WWOX: variants seen among roughly 807,000 people sequenced by gnomAD.
WWOX encodes WW domain-containing oxidoreductase.
In WWOX, 69 loss-of-function variants were observed where a neutral mutation model predicts 46.2. The observed-to-expected ratio is 1.49, with a 90% CI of 1.23 to 1.82. The LOEUF (loss-of-function observed/expected upper bound fraction) is 1.82. Among genes scored for constraint, WWOX ranks in the 40% most tolerant of loss-of-function variants. The pLI is 0.00. For missense variants in WWOX, 919 were observed against 542.6 expected (o/e 1.69, Z -6.89); for synonymous variants, 359 against 202.6 (o/e 1.77, Z -6.56).
At chr16:78,887,954 A>G (rs1323389298) in intron 8 of WWOX, among the ~76,000 whole-genome samples, 1 of 152,206 alleles carries the variant, frequency 6.6e-6, no homozygotes, top group East Asian at 1.9e-4. Context: ...GCTCACTCTG[A>G]CAAACAATTT....
At chr16:78,507,270 G>A (rs545533648) in intron 8 of WWOX, among the ~76,000 whole-genome samples, 2 of 152,228 alleles carry the variant, frequency 1.3e-5, no homozygotes, top group Admixed American at 6.5e-5. Flanking sequence ...TTTTTCCCCA[G>A]CCAAGAACCA....
intron 8 of WWOX, among the ~76,000 whole-genome samples, chr16:78,902,565 A>G (rs1246917472): frequency 6.6e-6 from 1 of 152,184 alleles, no homozygotes; most frequent in Non-Finnish European, 1.5e-5. Context: ...TAGGCCAAAG[A>G]TATGCCCGAG....
chr16:78,302,514 C>A (rs1486901145), intron 5 of WWOX, among the ~76,000 whole-genome samples: 1 of 152,052 alleles, frequency 6.6e-6, no homozygotes, highest in Admixed American at 6.5e-5. Context: ...CATGTTTTGT[C>A]TTATCCACAC....
intron 4 of WWOX, chr16:78,123,428 G>GT (rs1330107026): frequency 1.3e-4 from 8 of 61,050 alleles, no homozygotes; most frequent in East Asian, 1.0e-3. Context: ...TTTTTTCTTT[G>GT]TTTTTTGTTT....
intron 5 of WWOX, among the ~76,000 whole-genome samples, chr16:78,219,369 A>T (rs2036818981): frequency 6.6e-6 from 1 of 152,206 alleles, no homozygotes; most frequent in Non-Finnish European, 1.5e-5. Context: ...GTAGGTTATG[A>T]GTTTTTTATT....
At chr16:78,585,398 T>G (rs1378782806) in intron 8 of WWOX, among the ~76,000 whole-genome samples, 1 of 152,148 alleles carries the variant, frequency 6.6e-6, no homozygotes, top group Non-Finnish European at 1.5e-5. Flanking sequence ...GATCGGCCAC[T>G]TACTTGTGGG....
intron 5 of WWOX, among the ~76,000 whole-genome samples, chr16:78,286,375 G>T (rs1379778031): frequency 1.3e-5 from 2 of 152,224 alleles, no homozygotes; most frequent in Non-Finnish European, 1.5e-5. Flanking sequence ...TGAGGTGGGG[G>T]TTGTCCCCCC....
At chr16:78,876,686 A>T (rs1258107388) in intron 8 of WWOX, among the ~76,000 whole-genome samples, 1 of 152,174 alleles carries the variant, frequency 6.6e-6, no homozygotes, top group Non-Finnish European at 1.5e-5. Flanking sequence ...CATTCTCAGA[A>T]CAGCCCAGTT....
At position 78,164,211 on chromosome 16, in the gene WWOX, C is replaced by A. The variant is rs777386106; in HGVS notation, c.438C>A (p.Leu146=). The change falls in exon 5 of 9, where the codon CTC becomes CTA. Residue 146 remains leucine (L), a synonymous_variant. Transcript: ENST00000566780. ...TCGAAACCGCCAAGTCTTTTGCCCT[C>A]CATGGTGCACATGTGATCTTGGCCT... is the stretch of plus-strand genomic sequence containing the variant. ...IGFETAKSFA[L]HGAHVILACR... is the part of the protein sequence containing the mutation. The A allele has an allele frequency of 6.2e-7, 1 of 1,614,092 alleles. No homozygotes were observed. Among genetic ancestry groups the A allele is most frequent in the Admixed American group, 1.7e-5 (1 of 60,006 alleles).
chr16:78,773,298 C>T (rs1258521432), intron 8 of WWOX, among the ~76,000 whole-genome samples: 1 of 152,174 alleles, frequency 6.6e-6, no homozygotes, highest in Non-Finnish European at 1.5e-5. Context: ...CTGGCTCTGG[C>T]TTCTGGACTG....
intron 8 of WWOX, among the ~76,000 whole-genome samples, chr16:79,039,283 T>C (rs2047926603): frequency 6.6e-6 from 1 of 152,126 alleles, no homozygotes; most frequent in Non-Finnish European, 1.5e-5. Flanking sequence ...CATTAACCTC[T>C]CTGCGCCCTT....
chr16:78,879,694 A>G (rs934747315), intron 8 of WWOX, among the ~76,000 whole-genome samples: 3 of 152,116 alleles, frequency 2.0e-5, no homozygotes, highest in African/African-American at 7.2e-5. Context: ...TCTGATCAAC[A>G]TGGAGAAACC....
chr16:78,462,774 G>A (rs1274130592), intron 8 of WWOX, among the ~76,000 whole-genome samples: 5 of 152,200 alleles, frequency 3.3e-5, no homozygotes, highest in Admixed American at 2.0e-4. Flanking sequence ...CCTGCCGCCT[G>A]GACTAGTTAC....
At chr16:78,418,089 G>C (rs561196568) in intron 6 of WWOX, among the ~76,000 whole-genome samples, 1 of 152,164 alleles carries the variant, frequency 6.6e-6, no homozygotes, top group Non-Finnish European at 1.5e-5. Context: ...GGCCGGGAAC[G>C]GTGGCTCACG....
At chr16:78,593,828 G>A (rs2045409893) in intron 8 of WWOX, among the ~76,000 whole-genome samples, 2 of 152,218 alleles carry the variant, frequency 1.3e-5, no homozygotes, top group South Asian at 4.1e-4. Flanking sequence ...TGCAAGCTGA[G>A]GACATACGAG....
intron 8 of WWOX, among the ~76,000 whole-genome samples, chr16:78,584,031 G>T (rs1224315192): frequency 1.3e-5 from 2 of 152,180 alleles, no homozygotes; most frequent in Non-Finnish European, 2.9e-5. Context: ...GTGTGGCCCA[G>T]ATCAACCTGT....
At chr16:78,125,563 C>T (rs576983988) in intron 4 of WWOX, among the ~76,000 whole-genome samples, 40 of 152,124 alleles carry the variant, frequency 2.6e-4, no homozygotes, top group Non-Finnish European at 5.0e-4. Flanking sequence ...ATCCTGGATT[C>T]AGAAGCTGAA....
intron 8 of WWOX, among the ~76,000 whole-genome samples, chr16:78,912,768 A>G (rs887166832): frequency 1.3e-5 from 2 of 152,012 alleles, no homozygotes; most frequent in Non-Finnish European, 2.9e-5. Context: ...ACCAACTTCT[A>G]GTCAAGTTAT....
chr16:78,815,279 T>A (rs1029006101), intron 8 of WWOX, among the ~76,000 whole-genome samples: 4 of 151,398 alleles, frequency 2.6e-5, no homozygotes, highest in African/African-American at 9.7e-5. Flanking sequence ...GAGCCAAGAT[T>A]GTGCCACTGC....
Sources: gnomAD v4.1 joint callset for allele counts (sites outside exome capture counted in the v4.1 genomes callset) on GRCh38, gnomAD v4.1.1 for gene constraint, MANE v1.5 for transcripts, NCBI Gene and HGNC (gene_info 2026-07-23, HGNC 2026-07-21) for gene names.